The following SCP2 variants were observed in gnomAD, a reference collection of about 807,000 sequenced individuals.
SCP2 encodes sterol carrier protein 2.
In SCP2, 48 loss-of-function variants were observed where a neutral mutation model predicts 71.4. The observed-to-expected ratio is 0.67, with a 90% confidence interval of 0.53 to 0.86. The LOEUF is 0.86. Among genes scored for constraint, SCP2 ranks in the 40% least tolerant of loss-of-function variants. The probability of loss-of-function intolerance (pLI) is 0.00; values close to 1 mark genes in which losing one functional copy is unlikely to be tolerated. For missense variants in SCP2, 560 were observed against 655.6 expected (o/e 0.85, Z 1.59); for synonymous variants, 220 against 218.1 (o/e 1.01, Z -0.08).
At chr1:53,050,487 A>G (rs1327031728) in intron 15 of SCP2, 122 bp from the exon 16 acceptor site, 5 of 684,962 alleles carry the variant, frequency 7.3e-6, no homozygotes, top group African/African-American at 5.4e-5. Context: ...GCCAAGTTTC[A>G]TATTTTAGAG....
At chr1:52,961,692 CAGTT>C in intron 6 of SCP2, 63 bp downstream of exon 6, 1 of 1,429,822 alleles carries the variant, frequency 7.0e-7, no homozygotes, top group Non-Finnish European at 9.9e-7. Flanking sequence ...TGAGAAATGA[CAGTT>C]ATTTATTAAG....
chr1:52,975,096 T>G (rs1168843410), intron 7 of SCP2, among the ~76,000 whole-genome samples: 1 of 152,128 alleles, frequency 6.6e-6, no homozygotes, highest in Non-Finnish European at 1.5e-5. Flanking sequence ...TCATCCAGGC[T>G]GGAGTGCAGT....
intron 11 of SCP2, among the ~76,000 whole-genome samples, chr1:53,001,565 G>A (rs1372669040): frequency 6.6e-6 from 1 of 152,150 alleles, no homozygotes; most frequent in Non-Finnish European, 1.5e-5. Flanking sequence ...GAAGAAAATA[G>A]AGGCATGGAG....
chr1:52,973,449 C>T (rs1412559564), intron 6 of SCP2, among the ~76,000 whole-genome samples: 9 of 151,730 alleles, frequency 5.9e-5, no homozygotes, highest in Non-Finnish European at 5.9e-5. Flanking sequence ...TGAGAAATTT[C>T]GTTAATTTTC....
At chr1:53,015,871 T>A (rs1661302244) in intron 12 of SCP2, among the ~76,000 whole-genome samples, 1 of 152,234 alleles carries the variant, frequency 6.6e-6, no homozygotes, top group Admixed American at 6.5e-5. Context: ...CACCAGGATC[T>A]AAATGAAATT....
chr1:52,973,498 A>G (rs1373610727), intron 6 of SCP2, among the ~76,000 whole-genome samples: 1 of 152,220 alleles, frequency 6.6e-6, no homozygotes, highest in African/African-American at 2.4e-5. Context: ...TTGATCTAAC[A>G]GTCAATTCAG....
intron 14 of SCP2, among the ~76,000 whole-genome samples, chr1:53,046,143 C>T (rs78898013): frequency 0.016 from 2,445 of 152,142 alleles, 67 homozygotes; most frequent in African/African-American, 0.055. Flanking sequence ...TTTGTGTGGA[C>T]GTAAGTTTTC....
At chr1:52,965,903 C>T (rs912639557) in intron 6 of SCP2, among the ~76,000 whole-genome samples, 3 of 151,950 alleles carry the variant, frequency 2.0e-5, no homozygotes. Context: ...GCCTCAGCAT[C>T]CCGAAGTGCT....
intron 2 of SCP2, among the ~76,000 whole-genome samples, chr1:52,945,932 T>G (rs1002791464): frequency 4.0e-5 from 6 of 148,576 alleles, no homozygotes; most frequent in Admixed American, 6.8e-5. Context: ...GTTTTTTTGT[T>G]TTTTTTTTTT....
chr1:52,948,037 C>T lies in SCP2; in HGVS notation c.156C>T (p.Ile52=). ...AGKKALADAQ[I]PYSAVDQACV... is the part of the protein sequence containing the mutation. ...AGAAGGCTTTAGCTGATGCACAGAT[C>T]CCTTATTCAGCAGTGGACCAGGCAT... The change falls in exon 3 of 16, where the codon ATC becomes ATT. Residue 52 remains isoleucine (I), a synonymous_variant. Transcript: ENST00000371514. 6.2e-7 allele frequency: 1 copy of T among 1,613,190 alleles called. No homozygotes were observed. The highest frequency in any genetic ancestry group is 1.3e-5 in the African/African-American group (1 of 75,006).
At chr1:52,993,780 C>T (rs775594316) in intron 11 of SCP2, 1 of 1,570,058 alleles carries the variant, frequency 6.4e-7, no homozygotes, top group South Asian at 1.1e-5. Context: ...TCCCCTCTCT[C>T]CTCCCCCAGC....
intron 6 of SCP2, among the ~76,000 whole-genome samples, chr1:52,969,259 A>T (rs542177537): frequency 1.3e-5 from 2 of 152,102 alleles, no homozygotes; most frequent in Non-Finnish European, 2.9e-5. Flanking sequence ...GGATATGGTG[A>T]TACACACCTG....
At chr1:52,954,838 C>T (rs774216451) in intron 5 of SCP2, 34 bp downstream of exon 5, 6 of 1,505,822 alleles carry the variant, frequency 4.0e-6, no homozygotes, top group Non-Finnish European at 5.5e-6. Flanking sequence ...ACTAAATGAG[C>T]TAATATAACC....
intron 6 of SCP2, among the ~76,000 whole-genome samples, chr1:52,969,493 A>G (rs991132293): frequency 6.6e-6 from 1 of 151,366 alleles, no homozygotes; most frequent in Non-Finnish European, 1.5e-5. Context: ...TGGTTGACAG[A>G]GTGTGACCCT....
At position 53,050,923 on chromosome 1, in the gene SCP2, T is replaced by G; in HGVS notation, c.*219T>G. 1 of 430,786 alleles carries G rather than the reference T, an allele frequency of 2.3e-6. No homozygotes were observed. Among genetic ancestry groups the G allele is most frequent in the South Asian group, 3.2e-5 (1 of 31,374 alleles). The allele number at this position is 430,786 out of a possible 1,614,324, so 26.7% of individuals were successfully genotyped here. On this transcript the variant is annotated 3_prime_UTR_variant, in exon 16 of 16. Coordinates refer to ENST00000371514, the MANE Select transcript of SCP2 (RefSeq NM_002979.5). ...TGCGGAATTGCATACAACTGTGCAT[T>G]ACAAAGTTAATATGGTAATTATGGT...
chr1:52,997,849 G>T (rs1178403111), intron 11 of SCP2, among the ~76,000 whole-genome samples: 2 of 152,168 alleles, frequency 1.3e-5, no homozygotes, highest in Admixed American at 1.3e-4. Context: ...ACCCCCAAAA[G>T]TTCTAGCCTG....
chr1:52,947,409 A>G (rs1180974962), intron 2 of SCP2, among the ~76,000 whole-genome samples: 1 of 152,046 alleles, frequency 6.6e-6, no homozygotes, highest in Non-Finnish European at 1.5e-5. Context: ...TTTGCTGCTC[A>G]CTGTCATAAA....
intron 1 of SCP2, among the ~76,000 whole-genome samples, chr1:52,932,189 G>T (rs1053992991): frequency 2.6e-5 from 4 of 152,010 alleles, no homozygotes; most frequent in Non-Finnish European, 4.4e-5. Flanking sequence ...AGAATTTTCC[G>T]AACTGAATTT....
At chr1:52,969,972 A>T (rs893926286) in intron 6 of SCP2, among the ~76,000 whole-genome samples, 1 of 152,108 alleles carries the variant, frequency 6.6e-6, no homozygotes, top group Non-Finnish European at 1.5e-5. Flanking sequence ...TCATTCATTT[A>T]TTCTTATTAA....
Sources: allele counts gnomAD v4.1 joint callset (sites outside exome capture counted in the v4.1 genomes callset), GRCh38; gene constraint gnomAD v4.1.1; transcripts MANE v1.5; gene names NCBI Gene and HGNC (gene_info 2026-07-23, HGNC 2026-07-21).